Variants in STK10 observed in about 807,000 individuals in gnomAD.
STK10 encodes serine/threonine kinase 10, also known as serine/threonine-protein kinase 10.
A neutral mutation model predicts 113.8 loss-of-function variants in STK10; 78 were observed. The observed-to-expected ratio is 0.69, with a 90% CI of 0.57 to 0.83. STK10 has a LOEUF of 0.83. Ranked by LOEUF, STK10 falls within the 40% of genes least tolerant of loss-of-function variation. The probability of loss-of-function intolerance (pLI) is 0.00; values close to 1 mark genes in which losing one functional copy is unlikely to be tolerated. For synonymous variants in STK10, 465 were observed against 494.7 expected (o/e 0.94, Z 0.80); for missense variants, 1,109 against 1,280.1 (o/e 0.87, Z 2.04).
At chr5:172,111,746 GATC>G (rs1203342919) in intron 4 of STK10, among the ~76,000 whole-genome samples, 1 of 152,232 alleles carries the variant, frequency 6.6e-6, no homozygotes, top group African/African-American at 2.4e-5. Context: ...TAAAGAAAGA[GATC>G]ATTTCTGCTG....
Position 172,188,030 on chromosome 5 carries a change from T to C in STK10, c.13A>G (p.Asn5Asp), listed in dbSNP as rs1206463462. The change falls in exon 1 of 19, where the codon AAT (asparagine) becomes GAT (aspartate). Residue 5 changes from asparagine (N) to aspartate (D), a missense_variant. Transcript: ENST00000176763. The surrounding 1 kb of genome is among the most constrained non-coding windows in gnomAD (Gnocchi z 5.6). Reference protein sequence around the residue: MAFANFRRILRLSTF... With the variant: MAFADFRRILRLSTF... The stretch of plus-strand genomic sequence containing the variant: ...GACAGGCGCAGGATGCGGCGGAAAT[T>C]GGCAAAAGCCATGGCCGGGGGCGCG... The C allele has an allele frequency of 2.5e-6, 4 of 1,612,410 alleles. No homozygotes were observed. The highest frequency in any genetic ancestry group is 1.3e-5 in the African/African-American group (1 of 74,872).
intron 2 of STK10, among the ~76,000 whole-genome samples, chr5:172,129,333 C>T (rs761459818): frequency 2.0e-5 from 3 of 152,156 alleles, no homozygotes; most frequent in African/African-American, 4.8e-5. Flanking sequence ...CTGTGGAAGG[C>T]GGCACGGCCC....
chr5:172,137,451 TA>T (rs372964251), intron 2 of STK10, among the ~76,000 whole-genome samples: 20 of 149,764 alleles, frequency 1.3e-4, no homozygotes, highest in African/African-American at 3.7e-4. Context: ...TGAAAGGAGA[TA>T]AAAAAAAACT....
intron 13 of STK10, among the ~76,000 whole-genome samples, chr5:172,063,168 T>C (rs1767972464): frequency 4.6e-5 from 7 of 151,888 alleles, no homozygotes; most frequent in Admixed American, 4.6e-4. Context: ...GAGAATTGCT[T>C]GAACCCAGGA....
At chr5:172,183,293 G>A (rs149285770) in intron 1 of STK10, among the ~76,000 whole-genome samples, 93 of 152,272 alleles carry the variant, frequency 6.1e-4, no homozygotes, top group African/African-American at 2.1e-3. Context: ...TCCACATTGT[G>A]TGCATGAGTA....
intron 9 of STK10, chr5:172,092,870 C>T (rs981946160): frequency 1.3e-5 from 2 of 152,836 alleles, no homozygotes; most frequent in South Asian, 2.1e-4. Context: ...TCCTACCTGG[C>T]CCTGGGCTGG....
chr5:172,154,476 C>T (rs1413218469), intron 2 of STK10, among the ~76,000 whole-genome samples: 2 of 152,200 alleles, frequency 1.3e-5, no homozygotes, highest in Non-Finnish European at 2.9e-5. Flanking sequence ...GCCATCCTTT[C>T]CCCCTCTTTA....
chr5:172,128,867 G>A (rs3776761), intron 2 of STK10, among the ~76,000 whole-genome samples: 11,708 of 152,288 alleles, frequency 0.077, 493 homozygotes, highest in Admixed American at 0.094. Context: ...CAGCTCTCCA[G>A]CCAGAGGAGG....
In STK10 at chr5:172,127,401, T is replaced by C. The variant is rs1769645828; in HGVS notation, c.342A>G (p.Pro114=). Residue 114 remains proline (P), a synonymous_variant, in exon 3 of 19, where the codon CCA becomes CCG. Coordinates refer to ENST00000176763, the MANE Select transcript of STK10 (RefSeq NM_005990.4). The stretch of plus-strand genomic sequence containing the variant: ...GCATGATGGCGTCCACGGCTCCCCC[T>C]GGACAGAACTCAATCATGATCTGCA... The part of the protein sequence containing the change: ...GKLWIMIEFC[P]GGAVDAIMLE... 2.5e-6 allele frequency: 4 copies of C among 1,613,632 alleles called. No individual in the cohort carries two copies. The highest frequency in any genetic ancestry group is 1.7e-5 in the Admixed American group (1 of 59,972).
intron 1 of STK10, among the ~76,000 whole-genome samples, chr5:172,166,285 C>A (rs1275698507): frequency 6.6e-6 from 1 of 152,168 alleles, no homozygotes; most frequent in Non-Finnish European, 1.5e-5. Context: ...CTGTGGAACA[C>A]CTGGAGACAG....
rs1768444340 is a variant in STK10 at position 172,082,152 on chromosome 5, G to A, written c.1989+174C>T. On this transcript the variant is annotated intron_variant, in intron 12 of 18. Transcript: ENST00000176763. This position sits in a 1 kb window ranked among gnomAD's most constrained non-coding sequence, Gnocchi z 4.3. The stretch of plus-strand genomic sequence containing the variant: ...CAGAGGAAAGCAGAGTTCAGAAGAT[G>A]GAGAAGTGGCTCCTCATGGCGCAGC... Among the ~76,000 whole-genome samples, 2 of 152,152 alleles carry A rather than the reference G, an allele frequency of 1.3e-5. No homozygotes were observed. Among genetic ancestry groups the A allele is most frequent in the Non-Finnish European group, 2.9e-5 (2 of 68,024 alleles).
At chr5:172,164,209 T>C (rs945249623) in intron 1 of STK10, among the ~76,000 whole-genome samples, 1 of 81,148 alleles carries the variant, frequency 1.2e-5, no homozygotes, top group South Asian at 4.1e-4. Flanking sequence ...CGAAACTCCA[T>C]CTAAAAAAAA....
chr5:172,142,582 T>C (rs1769997326), intron 2 of STK10, among the ~76,000 whole-genome samples: 1 of 151,966 alleles, frequency 6.6e-6, no homozygotes, highest in African/African-American at 2.4e-5. Context: ...CCATGGATTA[T>C]CTCACACTCA....
intron 8 of STK10, 75 bp from the exon 9 acceptor site, chr5:172,094,035 G>A: frequency 8.5e-7 from 1 of 1,173,958 alleles, no homozygotes; most frequent in Admixed American, 3.7e-5. Flanking sequence ...ATGCAGTGGA[G>A]AAAGTCAGAC....
chr5:172,145,709 C>G (rs1347127119), intron 2 of STK10, among the ~76,000 whole-genome samples: 1 of 152,236 alleles, frequency 6.6e-6, no homozygotes, highest in Non-Finnish European at 1.5e-5. Flanking sequence ...GGACAAGTAA[C>G]TTCGGAGATC....
rs1192664647 is a variant in STK10 at position 172,106,687 on chromosome 5, T to G, written c.721A>C (p.Asn241His). The G allele has an allele frequency of 1.2e-6, 2 of 1,613,902 alleles. No individual in the cohort carries two copies. Among genetic ancestry groups the G allele is most frequent in the African/African-American group, 2.7e-5 (2 of 74,930 alleles). ...AQIEPPHHEL[N>H]PMRVLLKIAK... ...ATCTTTAGCAGGACCCGCATGGGGTTGAGCTCGTGGTGTGGCGGCTCGATC... is the reference window on the plus strand; with the variant it reads ...ATCTTTAGCAGGACCCGCATGGGGTGGAGCTCGTGGTGTGGCGGCTCGATC... The change falls in exon 6 of 19, where the codon AAC becomes CAC. Residue 241 changes from asparagine to histidine, a missense_variant. By Grantham distance (68) the Asn-to-His change is moderately conservative (BLOSUM62 1). Around this residue, in one of 5 missense-constraint regions of STK10, gnomAD observed 885 missense variants for 991.1 expected, o/e 0.89. Transcript: ENST00000176763.
rs1770996076 is a variant in STK10, at chr5:172,188,173, C to G, written c.-131G>C. The G allele has an allele frequency of 7.0e-7, 1 of 1,422,058 alleles. No homozygotes were observed. The highest frequency in any genetic ancestry group is 1.4e-5 in the South Asian group (1 of 70,560). The allele number at this position is 1,422,058 out of a possible 1,614,324, so 88.1% of individuals were successfully genotyped here. On this transcript the variant is annotated 5_prime_UTR_variant, in exon 1 of 19. Coordinates refer to ENST00000176763, the MANE Select transcript of STK10 (RefSeq NM_005990.4). This position sits in a 1 kb window ranked among gnomAD's most constrained non-coding sequence, Gnocchi z 5.6. ...GGGGTTCTCCCCAGACCCGCCTTTC[C>G]CCGCAGCCCGACCTCGGTCAAGTGT...
At chr5:172,147,606 G>A (rs537933659) in intron 2 of STK10, among the ~76,000 whole-genome samples, 57 of 152,216 alleles carry the variant, frequency 3.7e-4, no homozygotes, top group East Asian at 2.5e-3. Context: ...ATTGGCCAGG[G>A]TGGTCTCGAA....
chr5:172,085,713 A>G (rs1768540004), intron 10 of STK10, among the ~76,000 whole-genome samples: 1 of 151,416 alleles, frequency 6.6e-6, no homozygotes, highest in Non-Finnish European at 1.5e-5. Flanking sequence ...GAGAGAGAAA[A>G]TTGCTACATA....
Sources: gnomAD v4.1 joint callset for allele counts (sites outside exome capture counted in the v4.1 genomes callset) on GRCh38, gnomAD v4.1.1 for gene constraint, gnomAD v4.1.1 regional missense constraint, Gnocchi (gnomAD v3.1) non-coding constraint, MANE v1.5 for transcripts, NCBI Gene and HGNC (gene_info 2026-07-23, HGNC 2026-07-21) for gene names.